Variants in FAT4 observed in about 807,000 individuals in gnomAD.
FAT4 encodes the protein protocadherin Fat 4.
FAT4 carries 84 observed loss-of-function variants against 303.9 expected under a neutral mutation model. The observed-to-expected ratio is 0.28, with a 90% CI of 0.23 to 0.33. The LOEUF (loss-of-function observed/expected upper bound fraction) is 0.33. Ranked by LOEUF, FAT4 falls within the 10% of genes least tolerant of loss-of-function variation. The pLI is 1.00. For synonymous variants in FAT4, 2,307 were observed against 2,298.8 expected (o/e 1.00, Z -0.10); for missense variants, 6,005 against 6,146.8 (o/e 0.98, Z 0.77).
At chr4:125,436,080 T>C (rs576110282) in intron 8 of FAT4, among the ~76,000 whole-genome samples, 1 of 150,804 alleles carries the variant, frequency 6.6e-6, no homozygotes, top group Admixed American at 6.6e-5. Flanking sequence ...TTAGGAGATA[T>C]ACCTAATGTA....
intron 14 of FAT4, among the ~76,000 whole-genome samples, chr4:125,478,352 G>T (rs968691918): frequency 2.0e-5 from 3 of 152,044 alleles, no homozygotes; most frequent in South Asian, 2.1e-4. Context: ...ACTTCGGTGT[G>T]CATCCTTTTA....
At chr4:125,408,420 A>G in intron 4 of FAT4, 24 bp from the exon 5 acceptor site, 2 of 1,435,106 alleles carry the variant, frequency 1.4e-6, no homozygotes, top group South Asian at 2.7e-5. Flanking sequence ...TTGATTTTAT[A>G]CTATTAATTT....
At chr4:125,477,022 T>C (rs1727051762) in intron 13 of FAT4, 133 bp from the exon 14 acceptor site, 3 of 578,048 alleles carry the variant, frequency 5.2e-6, no homozygotes, top group South Asian at 1.5e-4. Flanking sequence ...CTCTTCTACA[T>C]ATTTTCCATT....
intron 2 of FAT4, among the ~76,000 whole-genome samples, chr4:125,378,176 T>G (rs1021435859): frequency 1.3e-5 from 2 of 152,126 alleles, no homozygotes; most frequent in African/African-American, 4.8e-5. Context: ...CCAATGGGTT[T>G]AGGAATGGTT....
intron 2 of FAT4, among the ~76,000 whole-genome samples, chr4:125,376,264 A>G (rs1733314195): frequency 6.6e-6 from 1 of 152,208 alleles, no homozygotes; most frequent in Admixed American, 6.5e-5. Context: ...GCAAGATTTT[A>G]TTTTTCCTTT....
In FAT4 at chr4:125,382,892, T is replaced by C. The variant is rs559277893; in HGVS notation, c.5176-15892T>C. Among the ~76,000 whole-genome samples the C allele has an allele frequency of 5.8e-4, 88 of 152,356 alleles. 1 individual carries two copies. The highest frequency in any genetic ancestry group is 1.0e-3 in the Non-Finnish European group (69 of 68,032). ...TGCTTCACCTTGTGCTTTTATGTTA[T>C]GGAGATGCCTTCTTCCCTTAAACCT... is the stretch of plus-strand genomic sequence containing the variant. On this transcript the variant is annotated intron_variant, in intron 2 of 17. Coordinates refer to ENST00000394329, the MANE Select transcript of FAT4 (RefSeq NM_001291303.3).
At chr4:125,357,687 G>A (rs1421719431) in intron 2 of FAT4, among the ~76,000 whole-genome samples, 1 of 152,138 alleles carries the variant, frequency 6.6e-6, no homozygotes, top group Non-Finnish European at 1.5e-5. Flanking sequence ...GGCTTAGGGA[G>A]TAACAACTAA....
At chr4:125,398,992 C>A in intron 3 of FAT4, 77 bp downstream of exon 3, 1 of 1,333,334 alleles carries the variant, frequency 7.5e-7, no homozygotes. Flanking sequence ...ATGTTGACTA[C>A]TTTTATTACC....
chr4:125,420,194 A>C (rs1560811659), intron 7 of FAT4, among the ~76,000 whole-genome samples: 1 of 152,154 alleles, frequency 6.6e-6, no homozygotes. Context: ...ACAAATTCCT[A>C]TCTAAAATTG....
At chr4:125,475,068 G>A (rs72675376) in intron 12 of FAT4, among the ~76,000 whole-genome samples, 5,502 of 152,076 alleles carry the variant, frequency 0.036, 145 homozygotes, top group African/African-American at 0.078. Context: ...TTAGAATAAC[G>A]CTTTATTGTC....
chr4:125,437,709 AATC>A (rs1725508259), intron 8 of FAT4, among the ~76,000 whole-genome samples: 1 of 152,194 alleles, frequency 6.6e-6, no homozygotes, highest in Admixed American at 6.5e-5. Flanking sequence ...AAATAATAAA[AATC>A]ATATCATAAG....
At chr4:125,372,826 A>G (rs1257439814) in intron 2 of FAT4, among the ~76,000 whole-genome samples, 3 of 152,206 alleles carry the variant, frequency 2.0e-5, no homozygotes, top group African/African-American at 7.2e-5. Flanking sequence ...AGACATGGAA[A>G]TAAAAGTTAA....
chr4:125,425,726 G>A (rs940149185), intron 7 of FAT4, among the ~76,000 whole-genome samples: 7 of 152,054 alleles, frequency 4.6e-5, no homozygotes, highest in African/African-American at 1.7e-4. Context: ...TTGGGGGTAG[G>A]AGATTAATCT....
chr4:125,466,777 C>CT (rs759985717), intron 11 of FAT4, among the ~76,000 whole-genome samples: 20,670 of 139,490 alleles, frequency 0.15, 1,794 homozygotes, highest in Admixed American at 0.2. Flanking sequence ...TGTATAATTT[C>CT]TTTTTTTTTT....
Position 125,449,117 on chromosome 4 carries a change from G to C in FAT4, c.8107G>C (p.Gly2703Arg), listed in dbSNP as rs1286138754. The C allele has an allele frequency of 1.2e-6, 2 of 1,613,848 alleles. No homozygotes were observed. Among genetic ancestry groups the C allele is most frequent in the East Asian group, 4.5e-5 (2 of 44,858 alleles). ...SAMDKDSGPNGQLDYEIVNGN... is the reference protein window; with the variant it reads ...SAMDKDSGPNRQLDYEIVNGN... ...AATGGACAAGGACAGTGGACCCAAT[G>C]GACAGTTAGATTATGAAATTGTTAA... The change falls in exon 10 of 18, where the codon GGA becomes CGA. Residue 2703 changes from glycine to arginine, a missense_variant. Transcript: ENST00000394329.
At chr4:125,401,395 T>A (rs74733937) in intron 3 of FAT4, among the ~76,000 whole-genome samples, 8,166 of 152,022 alleles carry the variant, frequency 0.054, 231 homozygotes, top group Middle Eastern at 0.095. Context: ...TAGCCAAATT[T>A]TGGGGAAAAT....
intron 7 of FAT4, among the ~76,000 whole-genome samples, chr4:125,418,054 C>A (rs1209035450): frequency 6.6e-6 from 1 of 152,094 alleles, no homozygotes; most frequent in Non-Finnish European, 1.5e-5. Flanking sequence ...AGAATGAGAT[C>A]TTTGACAGAG....
intron 7 of FAT4, among the ~76,000 whole-genome samples, chr4:125,422,144 G>A (rs1724924526): frequency 6.6e-6 from 1 of 152,028 alleles, no homozygotes. Context: ...TTGAAAATAA[G>A]CTTAAATTTA....
intron 2 of FAT4, among the ~76,000 whole-genome samples, chr4:125,352,097 G>T (rs1359516848): frequency 6.6e-6 from 1 of 151,594 alleles, no homozygotes; most frequent in Non-Finnish European, 1.5e-5. Flanking sequence ...GATTTAGGTT[G>T]TTTCAAGTAT....
Sources: gnomAD v4.1 joint callset for allele counts (sites outside exome capture counted in the v4.1 genomes callset) on GRCh38, gnomAD v4.1.1 for gene constraint, MANE v1.5 for transcripts, NCBI Gene and HGNC (gene_info 2026-07-23, HGNC 2026-07-21) for gene names.